Variants in ARID1B observed in about 807,000 individuals in gnomAD.
The protein encoded by ARID1B is AT-rich interaction domain 1B.
In ARID1B, 30 loss-of-function variants were observed where a neutral mutation model predicts 212.3. That is an observed-to-expected ratio of 0.14 (90% CI 0.11 to 0.19). The LOEUF (loss-of-function observed/expected upper bound fraction) is 0.19. ARID1B is among the 10% of genes least tolerant of loss of function. The probability of loss-of-function intolerance (pLI) is 1.00; values close to 1 mark genes in which losing one functional copy is unlikely to be tolerated. For synonymous variants in ARID1B, 1,402 were observed against 1,301.7 expected, an observed-to-expected ratio of 1.08 and a Z score of -1.66; for missense variants, 2,891 against 3,204.0, an observed-to-expected ratio of 0.90 and a Z score of 2.36.
chr6:156,880,760 A>AAAAAG (rs1223182991), intron 2 of ARID1B, among the ~76,000 whole-genome samples: 1 of 96,558 alleles, frequency 1.0e-5, no homozygotes, highest in African/African-American at 4.2e-5. Flanking sequence ...AAAAAAAAAA[A>AAAAAG]AAAAGAAAAG....
intron 4 of ARID1B, chr6:157,024,497 C>A (rs1780528877): frequency 2.0e-5 from 3 of 152,218 alleles, no homozygotes; most frequent in African/African-American, 4.8e-5. Flanking sequence ...TGCAGTGGCT[C>A]ATGCCTTTAA....
At chr6:157,109,412 A>G (rs924098007) in intron 5 of ARID1B, among the ~76,000 whole-genome samples, 3 of 152,098 alleles carry the variant, frequency 2.0e-5, no homozygotes, top group Non-Finnish European at 2.9e-5. Context: ...GGACTATGCA[A>G]TGTTCTTTAT....
At position 156,843,801 on chromosome 6, in the gene ARID1B, G is replaced by A. The variant is rs374143179; in HGVS notation, c.1986+14380G>A. ...CAGTTTGCTCACTTAGTTGTCATCA[G>A]ATGTTTACTGGTAGCCCTAAGTGGG... On this transcript the variant is annotated intron_variant, in intron 2 of 19. Transcript: ENST00000636930. Among the ~76,000 whole-genome samples, 52 of 152,312 alleles carry A rather than the reference G, an allele frequency of 3.4e-4. No homozygotes were observed. The South Asian group carries it at 9.7e-3, about 28-fold the overall frequency.
At position 157,176,218 on chromosome 6, in the gene ARID1B, G is replaced by A. The variant is rs558942444; in HGVS notation, c.3504+1213G>A. 6.6e-5 allele frequency among the ~76,000 whole-genome samples: 10 copies of A among 152,316 alleles called. No homozygotes were observed. In the South Asian group the frequency reaches 2.1e-3, roughly 32 times the overall value. The stretch of plus-strand genomic sequence containing the variant: ...GCTACGTTTCGATTTTGCAGCACCC[G>A]TGATGAAAGAGAAAGCGCTTCTAGG... On this transcript the variant is annotated intron_variant, in intron 11 of 19. Coordinates refer to ENST00000636930, the MANE Select transcript of ARID1B (RefSeq NM_001374828.1).
At chr6:156,979,514 T>C (rs1284100031) in intron 4 of ARID1B, among the ~76,000 whole-genome samples, 1 of 152,126 alleles carries the variant, frequency 6.6e-6, no homozygotes, top group Non-Finnish European at 1.5e-5. Flanking sequence ...CCAGGGACAT[T>C]AGTGATTTGC....
At chr6:156,994,927 A>C (rs988183551) in intron 4 of ARID1B, among the ~76,000 whole-genome samples, 2 of 152,182 alleles carry the variant, frequency 1.3e-5, no homozygotes, top group African/African-American at 4.8e-5. Flanking sequence ...GGTTATTCTT[A>C]CTGTCCTCCC....
At chr6:156,818,107 T>TA (rs1174082655) in intron 1 of ARID1B, among the ~76,000 whole-genome samples, 1 of 145,498 alleles carries the variant, frequency 6.9e-6, no homozygotes, top group Non-Finnish European at 1.5e-5. Flanking sequence ...TATTTTTTTT[T>TA]TTTTTTTTTT....
chr6:156,928,061 G>A (rs552232729), intron 3 of ARID1B, among the ~76,000 whole-genome samples: 2 of 152,174 alleles, frequency 1.3e-5, no homozygotes, highest in Admixed American at 6.5e-5. Flanking sequence ...GAAAGGCACC[G>A]AGGAGCAGTG....
chr6:156,816,502 CT>C (rs1262481989), intron 1 of ARID1B, among the ~76,000 whole-genome samples: 1 of 152,176 alleles, frequency 6.6e-6, no homozygotes, highest in African/African-American at 2.4e-5. Context: ...AAAGAACTTA[CT>C]GTCTGATAAA....
chr6:156,813,774 C>G (rs1166948807), intron 1 of ARID1B, among the ~76,000 whole-genome samples: 1 of 152,188 alleles, frequency 6.6e-6, no homozygotes, highest in African/African-American at 2.4e-5. Context: ...CCTTTCTCTC[C>G]AGAGCTTACA....
chr6:156,883,509 A>C (rs921268567), intron 2 of ARID1B, among the ~76,000 whole-genome samples: 10 of 151,942 alleles, frequency 6.6e-5, no homozygotes, highest in Admixed American at 6.6e-5. Flanking sequence ...TACTTTTCTG[A>C]GCTTTACTTC....
Position 156,981,308 on chromosome 6 carries a change from T to A in ARID1B, c.2247+45732T>A, listed in dbSNP as rs573970417. ...GGTAGCTGGATCAGGCAATGGAGAG[T>A]CTCTGCCGTTCTTCACATCGAGTAT... is the stretch of plus-strand genomic sequence containing the variant. On this transcript the variant is annotated intron_variant, in intron 4 of 19. Transcript: ENST00000636930. Among the ~76,000 whole-genome samples the A allele has an allele frequency of 2.0e-5, 3 of 151,988 alleles. No homozygotes were observed. In the East Asian group the frequency reaches 5.8e-4, roughly 30 times the overall value.
intron 2 of ARID1B, among the ~76,000 whole-genome samples, chr6:156,875,502 G>A (rs532738093): frequency 1.3e-5 from 2 of 152,278 alleles, no homozygotes; most frequent in African/African-American, 2.4e-5. Flanking sequence ...AGCTGTATTC[G>A]ATTCTGGATT....
At chr6:156,988,037 A>G (rs1778040047) in intron 4 of ARID1B, among the ~76,000 whole-genome samples, 3 of 152,204 alleles carry the variant, frequency 2.0e-5, no homozygotes, top group Admixed American at 1.3e-4. Flanking sequence ...CTTTCATTCT[A>G]GATGCTTACT....
intron 6 of ARID1B, among the ~76,000 whole-genome samples, chr6:157,126,828 G>C (rs139758419): frequency 6.6e-6 from 1 of 152,114 alleles, no homozygotes; most frequent in African/African-American, 2.4e-5. Context: ...TTCAGAAAGC[G>C]TGGTACTCTA....
chr6:156,904,260 C>A (rs1259148687), intron 3 of ARID1B, among the ~76,000 whole-genome samples: 1 of 152,030 alleles, frequency 6.6e-6, no homozygotes, highest in African/African-American at 2.4e-5. Flanking sequence ...TTCCTCATCC[C>A]CTTCTTTTAC....
At chr6:157,008,468 C>T (rs1161479128) in intron 4 of ARID1B, among the ~76,000 whole-genome samples, 1 of 152,174 alleles carries the variant, frequency 6.6e-6, no homozygotes. Context: ...TTACTGTTAT[C>T]TTCTGTCTTC....
At position 157,200,369 on chromosome 6, in the gene ARID1B, C is replaced by T. The variant is rs1045123248; in HGVS notation, c.4480-336C>T. On this transcript the variant is annotated intron_variant, in intron 17 of 19. Transcript: ENST00000636930. This position sits in a 1 kb window ranked among gnomAD's most constrained non-coding sequence, Gnocchi z 4.3. ...GGTCCTTCTGCCTCCTGCTGTGGTC[C>T]TAGTGCAGCTCCCAGCCCGGGAGCC... Among the ~76,000 whole-genome samples, 5 of 152,058 alleles carry T rather than the reference C, an allele frequency of 3.3e-5. No homozygotes were observed. Among genetic ancestry groups the T allele is most frequent in the African/African-American group, 1.2e-4 (5 of 41,410 alleles).
At chr6:157,189,809 C>G (rs761540871) in intron 14 of ARID1B, 29 bp downstream of exon 14, 9 of 1,612,642 alleles carry the variant, frequency 5.6e-6, no homozygotes, top group Non-Finnish European at 7.6e-6. Context: ...GTGAGGCATA[C>G]AAAGTCACAT....
Sources: allele counts gnomAD v4.1 joint callset (sites outside exome capture counted in the v4.1 genomes callset), GRCh38; gene constraint gnomAD v4.1.1; non-coding constraint Gnocchi (gnomAD v3.1); transcripts MANE v1.5; gene names NCBI Gene and HGNC (gene_info 2026-07-23, HGNC 2026-07-21).